SGCD: variants seen among roughly 807,000 people sequenced by gnomAD.
The protein encoded by SGCD is delta-sarcoglycan.
SGCD carries 18 observed loss-of-function variants against 36.6 expected under a neutral mutation model. The observed-to-expected ratio is 0.49, with a 90% CI of 0.34 to 0.73. The LOEUF (loss-of-function observed/expected upper bound fraction) is 0.73, where lower values mean the gene tolerates loss of function less well. Among genes scored for constraint, SGCD ranks in the 30% least tolerant of loss-of-function variants. SGCD has a pLI of 0.01. For synonymous variants in SGCD, 133 were observed against 130.6 expected, an observed-to-expected ratio of 1.02 and a Z score of -0.12; for missense variants, 387 against 346.7, an observed-to-expected ratio of 1.12 and a Z score of -0.92.
the SGCD span, among the ~76,000 whole-genome samples, chr5:155,835,818 A>C: frequency 3.3e-5 from 5 of 152,154 alleles, no homozygotes; most frequent in Non-Finnish European, 7.4e-5. Flanking sequence ...TCCAGGAGTA[A>C]ACAATTTGTA....
intron 6 of SGCD, among the ~76,000 whole-genome samples, chr5:156,603,908 C>T (rs547190115): frequency 6.6e-6 from 1 of 152,002 alleles, no homozygotes; most frequent in African/African-American, 2.4e-5. Flanking sequence ...TCTATTAGGT[C>T]CATTTGGTCT....
rs370784725 is a variant in SGCD at position 156,531,072 on chromosome 5, G to T, written c.294+22370G>T. On this transcript the variant is annotated intron_variant, in intron 4 of 8. Coordinates refer to ENST00000337851, the MANE Select transcript of SGCD (RefSeq NM_000337.6). The stretch of plus-strand genomic sequence containing the variant: ...GGCGGGGCCTTTAGGAATTGATGAG[G>T]TCATGAGGACTCCTCCCTCATGAAT... 2.2e-4 allele frequency among the ~76,000 whole-genome samples: 34 copies of T among 152,306 alleles called. No individual in the cohort carries two copies. In the East Asian group the frequency reaches 6.0e-3, roughly 27 times the overall value.
chr5:156,747,133 A>G (rs1261303539), intron 7 of SGCD, among the ~76,000 whole-genome samples: 1 of 152,218 alleles, frequency 6.6e-6, no homozygotes, highest in Admixed American at 6.5e-5. Context: ...AGTCATCAAA[A>G]AAGTGAAAAT....
intron 3 of SGCD, among the ~76,000 whole-genome samples, chr5:156,346,149 A>G (rs557285396): frequency 6.6e-6 from 1 of 152,260 alleles, no homozygotes; most frequent in African/African-American, 2.4e-5. Context: ...AACCAAGGTT[A>G]CAGATACTGC....
the SGCD span, among the ~76,000 whole-genome samples, chr5:155,747,204 G>A: frequency 6.6e-6 from 1 of 152,152 alleles, no homozygotes; most frequent in Non-Finnish European, 1.5e-5. Context: ...TAAAAGGAAA[G>A]AAATTTAAAC....
rs752997502 is a variant in SGCD at position 156,115,621 on chromosome 5, T to C, written c.-281-2257T>C. Reference sequence around the variant, plus strand: ...ATTACTTTTCAAATTATCGATTATATTTTTTTCTTAGGTATTGTTTGTAAA... The same window carrying C: ...ATTACTTTTCAAATTATCGATTATACTTTTTTCTTAGGTATTGTTTGTAAA... On this transcript the variant is annotated intron_variant, in intron 1 of 9. Transcript: ENST00000517913. 2.0e-5 allele frequency among the ~76,000 whole-genome samples: 3 copies of C among 152,230 alleles called. No homozygotes were observed. In the East Asian group the frequency reaches 5.8e-4, roughly 29 times the overall value.
intron 3 of SGCD, among the ~76,000 whole-genome samples, chr5:156,485,869 G>A (rs1366993100): frequency 6.6e-6 from 1 of 152,036 alleles, no homozygotes; most frequent in Non-Finnish European, 1.5e-5. Flanking sequence ...TCAGAGCCAG[G>A]AAAAACTCCC....
intron 6 of SGCD, among the ~76,000 whole-genome samples, chr5:156,616,405 T>A (rs192890875): frequency 6.6e-6 from 1 of 152,288 alleles, no homozygotes; most frequent in East Asian, 1.9e-4. Flanking sequence ...ATTGGGGTGT[T>A]GTTATCAGGA....
chr5:156,552,852 G>C (rs186756483), intron 4 of SGCD, among the ~76,000 whole-genome samples: 1 of 152,066 alleles, frequency 6.6e-6, no homozygotes, highest in Non-Finnish European at 1.5e-5. Context: ...CTTTAAACCC[G>C]TCCCAAATCT....
intron 6 of SGCD, among the ~76,000 whole-genome samples, chr5:156,646,053 C>G (rs888313468): frequency 9.9e-5 from 15 of 152,116 alleles, no homozygotes; most frequent in African/African-American, 3.4e-4. Context: ...GGTCACTCAG[C>G]TAATGAGTGG....
At chr5:155,893,410 GA>G (rs1014797805) in intron 1 of SGCD, among the ~76,000 whole-genome samples, 4 of 152,110 alleles carry the variant, frequency 2.6e-5, no homozygotes, top group Non-Finnish European at 5.9e-5. Context: ...ATAGATTAAA[GA>G]AAAAACATTC....
intron 1 of SGCD, among the ~76,000 whole-genome samples, chr5:156,115,512 T>G (rs892953429): frequency 1.3e-5 from 2 of 152,076 alleles, no homozygotes; most frequent in Non-Finnish European, 2.9e-5. Context: ...TCAGTGTTCA[T>G]CCCTACAAGA....
chr5:156,122,843 TAAA>T (rs33983852), intron 2 of SGCD, among the ~76,000 whole-genome samples: 1 of 54,170 alleles, frequency 1.8e-5, no homozygotes, highest in Non-Finnish European at 3.2e-5. Flanking sequence ...AAAGATGTGG[TAAA>T]AAAAAAAAAA....
intron 4 of SGCD, among the ~76,000 whole-genome samples, chr5:156,529,074 A>C (rs1044254485): frequency 1.3e-5 from 2 of 152,090 alleles, no homozygotes; most frequent in Non-Finnish European, 2.9e-5. Flanking sequence ...AGGCATTCCC[A>C]CAGACCGTAG....
chr5:155,958,260 G>C (rs182315151), intron 1 of SGCD, among the ~76,000 whole-genome samples: 59 of 152,116 alleles, frequency 3.9e-4, no homozygotes, highest in African/African-American at 1.4e-3. Context: ...CCTTGTGATG[G>C]TTTCTGTTCT....
In SGCD at chr5:156,359,098, G is replaced by T. The variant is rs569582071; in HGVS notation, c.192+14421G>T. 2.6e-5 allele frequency among the ~76,000 whole-genome samples: 4 copies of T among 152,308 alleles called. No homozygotes were observed. The South Asian group carries it at 6.2e-4, about 24-fold the overall frequency. On this transcript the variant is annotated intron_variant, in intron 3 of 8. Transcript: ENST00000337851. ...CAGTTGGTTTCTTAAGGACTATTTG[G>T]CTACCTTGTGGTATAATTGGGGACC...
intron 3 of SGCD, among the ~76,000 whole-genome samples, chr5:156,282,093 A>G (rs979543250): frequency 2.0e-5 from 3 of 152,096 alleles, no homozygotes; most frequent in Non-Finnish European, 4.4e-5. Context: ...AAGTCTTGTT[A>G]GTGTGATTCA....
chr5:156,373,902 C>A (rs896806845), intron 3 of SGCD, among the ~76,000 whole-genome samples: 3 of 152,128 alleles, frequency 2.0e-5, no homozygotes, highest in African/African-American at 7.2e-5. Flanking sequence ...ATGGAAAGAC[C>A]AACCAGACTG....
At chr5:156,258,935 A>C (rs539807761) in intron 3 of SGCD, among the ~76,000 whole-genome samples, 2 of 151,992 alleles carry the variant, frequency 1.3e-5, no homozygotes, top group African/African-American at 4.8e-5. Context: ...TTACTCTCTT[A>C]ATTAAGAGAG....
Sources: allele counts gnomAD v4.1 joint callset (sites outside exome capture counted in the v4.1 genomes callset), GRCh38; gene constraint gnomAD v4.1.1; transcripts MANE v1.5; gene names NCBI Gene and HGNC (gene_info 2026-07-23, HGNC 2026-07-21).